The following EPHB1 variants were observed in gnomAD, a reference collection of about 807,000 sequenced individuals.
EPHB1 encodes the protein ephrin type-B receptor 1.
In EPHB1, 30 loss-of-function variants were observed where a neutral mutation model predicts 94.4. The ratio of observed to expected loss-of-function variants is 0.32; its 90% CI spans 0.24 to 0.43. EPHB1 has a LOEUF of 0.43. Ranked by LOEUF, EPHB1 falls within the 20% of genes least tolerant of loss-of-function variation. The pLI is 1.00. For missense variants in EPHB1, 1,055 were observed against 1,308.3 expected (o/e 0.81, Z 2.99); for synonymous variants, 522 against 489.1 (o/e 1.07, Z -0.89).
intron 1 of EPHB1, chr3:134,840,366 A>G (rs2036753748): frequency 2.0e-5 from 3 of 152,152 alleles, no homozygotes; most frequent in Admixed American, 6.5e-5. Context: ...ATCTAGATAT[A>G]TGGGCATTGC....
At chr3:135,151,309 G>T (rs1312090473) in intron 5 of EPHB1, among the ~76,000 whole-genome samples, 1 of 152,070 alleles carries the variant, frequency 6.6e-6, no homozygotes, top group Non-Finnish European at 1.5e-5. Context: ...GCCCCCTGTG[G>T]ACTCCTCTCT....
Position 135,112,614 on chromosome 3 carries a change from C to T in EPHB1, c.961+6011C>T, listed in dbSNP as rs375877267. ...TCCATGTGTTCTCACTGTTCAATTC[C>T]GACCTCTGAGTGAGGACATGCGGTG... On this transcript the variant is annotated intron_variant, in intron 4 of 15. Coordinates refer to ENST00000398015, the MANE Select transcript of EPHB1 (RefSeq NM_004441.5). Among the ~76,000 whole-genome samples, 25 of 145,140 alleles carry T rather than the reference C, an allele frequency of 1.7e-4. 1 individual carries two copies. Among genetic ancestry groups the T allele is most frequent in the African/African-American group, 3.6e-4 (14 of 38,988 alleles).
rs953684812 is a variant in EPHB1 at position 135,192,697 on chromosome 3, G to A, written c.2004G>A (p.Glu668=). The part of the protein sequence containing the change: ...SEKQRRDFLS[E]ASIMGQFDHP... ...AGCAGCGTCGGGACTTTCTGAGTGA[G>A]GCGAGCATCATGGGCCAGTTCGACC... Residue 668 remains glutamate (E), a synonymous_variant, in exon 11 of 16, where the codon GAG becomes GAA. Transcript: ENST00000398015. The A allele has an allele frequency of 3.7e-6, 6 of 1,614,180 alleles. No individual in the cohort carries two copies. The highest frequency in any genetic ancestry group is 1.6e-4 in the Middle Eastern group (1 of 6,062).
chr3:135,212,211 T>A (rs1240927860), intron 12 of EPHB1, among the ~76,000 whole-genome samples: 1 of 152,234 alleles, frequency 6.6e-6, no homozygotes, highest in Non-Finnish European at 1.5e-5. Context: ...CTTTTTATCA[T>A]TCATAAGCAT....
intron 1 of EPHB1, among the ~76,000 whole-genome samples, chr3:134,871,219 C>T (rs2037492641): frequency 6.6e-6 from 1 of 152,328 alleles, no homozygotes; most frequent in South Asian, 2.1e-4. Flanking sequence ...GATTACAGCT[C>T]AGGACCTAAT....
At chr3:135,149,294 G>C (rs1160799726) in intron 5 of EPHB1, among the ~76,000 whole-genome samples, 3 of 152,120 alleles carry the variant, frequency 2.0e-5, no homozygotes, top group Admixed American at 2.0e-4. Flanking sequence ...AAACCTTTAT[G>C]TGTGTTTGCC....
intron 3 of EPHB1, among the ~76,000 whole-genome samples, chr3:135,016,129 T>C (rs770794154): frequency 1.3e-5 from 2 of 152,150 alleles, no homozygotes; most frequent in Admixed American, 6.5e-5. Context: ...AGTTTGGAGA[T>C]TGAAGGGCCT....
intron 1 of EPHB1, among the ~76,000 whole-genome samples, chr3:134,835,321 T>C (rs2138213): frequency 0.15 from 23,182 of 152,180 alleles, 1,984 homozygotes; most frequent in South Asian, 0.41. Flanking sequence ...CTTGCCTGCC[T>C]TGAGCTGGAC....
intron 4 of EPHB1, among the ~76,000 whole-genome samples, chr3:135,121,956 T>C (rs1939982267): frequency 6.6e-6 from 1 of 152,174 alleles, no homozygotes; most frequent in Admixed American, 6.5e-5. Context: ...TTAACCTATG[T>C]TATGCCATTT....
intron 3 of EPHB1, among the ~76,000 whole-genome samples, chr3:135,059,784 T>C (rs1005241596): frequency 6.6e-6 from 1 of 151,790 alleles, no homozygotes. Flanking sequence ...CACCCAGAGG[T>C]TGGAGATATG....
chr3:134,823,183 G>T (rs1214618223), intron 1 of EPHB1, among the ~76,000 whole-genome samples: 1 of 152,234 alleles, frequency 6.6e-6, no homozygotes, highest in Non-Finnish European at 1.5e-5. Flanking sequence ...TCACTCAGAA[G>T]AAGGTGTGAA....
intron 2 of EPHB1, among the ~76,000 whole-genome samples, chr3:134,942,941 A>G (rs973981910): frequency 6.6e-6 from 1 of 152,372 alleles, no homozygotes; most frequent in Middle Eastern, 3.4e-3. Flanking sequence ...TCAAAACAGT[A>G]TATTATCAAA....
chr3:134,904,464 T>TGTCTGTG (rs145249963), intron 1 of EPHB1, among the ~76,000 whole-genome samples: 24,635 of 151,636 alleles, frequency 0.16, 2,891 homozygotes, highest in African/African-American at 0.33. Flanking sequence ...TGGGCCAGTG[T>TGTCTGTG]GTCTGTGGTC....
intron 12 of EPHB1, among the ~76,000 whole-genome samples, chr3:135,236,663 C>G (rs1481951037): frequency 1.3e-5 from 2 of 152,148 alleles, no homozygotes; most frequent in African/African-American, 2.4e-5. Flanking sequence ...ATGAACCTAT[C>G]ACTTCCAAAC....
chr3:135,044,413 C>A (rs1316817086), intron 3 of EPHB1, among the ~76,000 whole-genome samples: 1 of 152,212 alleles, frequency 6.6e-6, no homozygotes, highest in Non-Finnish European at 1.5e-5. Context: ...GCAAGCAGAG[C>A]AATTTCAGCT....
Position 135,085,089 on chromosome 3 carries a change from C to G in EPHB1, c.806-21359C>G, listed in dbSNP as rs150403017. 6.6e-5 allele frequency among the ~76,000 whole-genome samples: 10 copies of G among 152,284 alleles called. No homozygotes were observed. In the East Asian group the frequency reaches 1.7e-3, roughly 26 times the overall value. The stretch of plus-strand genomic sequence containing the variant: ...CAGTATTCAGGGTGAATTTCATTGA[C>G]CCATTGCTGTCTTCTGCAACATTCT... On this transcript the variant is annotated intron_variant, in intron 3 of 15. Coordinates refer to ENST00000398015, the MANE Select transcript of EPHB1 (RefSeq NM_004441.5).
At chr3:135,213,132 C>A (rs1465609811) in intron 12 of EPHB1, among the ~76,000 whole-genome samples, 1 of 152,214 alleles carries the variant, frequency 6.6e-6, no homozygotes, top group Non-Finnish European at 1.5e-5. Flanking sequence ...CTCACTCTGC[C>A]TTAATTCTCC....
intron 1 of EPHB1, 115 bp downstream of exon 1, chr3:134,795,804 C>G (rs2035813024): frequency 8.3e-7 from 1 of 1,202,556 alleles, no homozygotes; most frequent in East Asian, 2.6e-5. Context: ...ATCCCGGGAC[C>G]CGAGGGCAAG....
chr3:135,129,675 A>G (rs1404634132), intron 4 of EPHB1, among the ~76,000 whole-genome samples: 1 of 152,222 alleles, frequency 6.6e-6, no homozygotes, highest in Admixed American at 6.5e-5. Context: ...TCACAATGCA[A>G]TGATGGAATC....
Sources: allele counts gnomAD v4.1 joint callset (sites outside exome capture counted in the v4.1 genomes callset), GRCh38; gene constraint gnomAD v4.1.1; transcripts MANE v1.5; gene names NCBI Gene and HGNC (gene_info 2026-07-23, HGNC 2026-07-21).